DDX46: variants seen among roughly 807,000 people sequenced by gnomAD.
The protein encoded by DDX46 is DEAD-box helicase 46.
Under a neutral mutation model 134.9 loss-of-function variants are expected in DDX46, and 30 were observed. The ratio of observed to expected loss-of-function variants is 0.22; its 90% CI spans 0.17 to 0.30. The LOEUF is 0.30. Ranked by LOEUF, DDX46 falls within the 10% of genes least tolerant of loss-of-function variation. The pLI is 1.00. For synonymous variants in DDX46, 415 were observed against 404.1 expected (o/e 1.03, Z -0.32); for missense variants, 622 against 1,248.7 (o/e 0.50, Z 7.56).
At chr5:134,785,665 T>A (rs1353453569) in intron 11 of DDX46, 79 bp downstream of exon 11, 1 of 1,488,308 alleles carries the variant, frequency 6.7e-7, no homozygotes, top group Non-Finnish European at 9.0e-7. Context: ...TGACTTTTAC[T>A]TTTAGTTTTT....
intron 21 of DDX46, among the ~76,000 whole-genome samples, chr5:134,821,474 A>G (rs1044043474): frequency 3.4e-5 from 5 of 146,672 alleles, no homozygotes; most frequent in Admixed American, 3.4e-4. Context: ...ACTGTGCCCC[A>G]CCGTGTTAAA....
chr5:134,807,703 A>C, intron 15 of DDX46, 45 bp from the exon 16 acceptor site: 1 of 1,538,694 alleles, frequency 6.5e-7, no homozygotes, highest in Non-Finnish European at 8.8e-7. Context: ...AAGACATGGA[A>C]AATTTAATTT....
chr5:134,775,677 A>G (rs1243522561), intron 5 of DDX46, among the ~76,000 whole-genome samples: 1 of 152,072 alleles, frequency 6.6e-6, no homozygotes. Context: ...TATTTTTAGT[A>G]GAGATGGGGT....
chr5:134,809,140 A>C (rs1274253166), intron 16 of DDX46, among the ~76,000 whole-genome samples: 2 of 152,196 alleles, frequency 1.3e-5, no homozygotes, highest in Non-Finnish European at 2.9e-5. Flanking sequence ...TTATTCTTCT[A>C]ACCTGTTGGA....
chr5:134,808,037 T>C, intron 16 of DDX46, 96 bp downstream of exon 16: 1 of 1,170,464 alleles, frequency 8.5e-7, no homozygotes, highest in Non-Finnish European at 1.2e-6. Flanking sequence ...TATGGAGACA[T>C]TTTGAAAATC....
Position 134,816,521 on chromosome 5 carries a change from C to T in DDX46, c.2528C>T (p.Ala843Val). 1 of 1,613,988 alleles carries T rather than the reference C, an allele frequency of 6.2e-7. No individual in the cohort carries two copies. The highest frequency in any genetic ancestry group is 8.5e-7 in the Non-Finnish European group (1 of 1,179,992). Residue 843 changes from alanine to valine, a missense_variant, in exon 19 of 23, where the codon GCA (alanine) becomes GTA (valine). Ala to Val is a moderately conservative substitution (Grantham distance 64, BLOSUM62 0). This residue lies in a region of DDX46 where 18 missense variants were observed against 17.0 expected (regional missense o/e 1.06). Transcript: ENST00000452510. ...ACATCAAGTGTTCCTGCTCCAACTG[C>T]AGGAAATGCTGAGAAATTAGAAATT... ...PGTSSVPAPT[A>V]GNAEKLEIAK... is the part of the protein sequence containing the mutation.
At chr5:134,777,908 T>C in intron 6 of DDX46, 183 bp downstream of exon 6, 1 of 596,440 alleles carries the variant, frequency 1.7e-6, no homozygotes, top group Non-Finnish European at 2.7e-6. Flanking sequence ...ATAAGTGTTC[T>C]TTCAAAAGTC....
chr5:134,795,955 C>G (rs1403336059), intron 14 of DDX46, 33 bp from the exon 15 acceptor site: 4 of 1,592,978 alleles, frequency 2.5e-6, no homozygotes, highest in Non-Finnish European at 3.4e-6. Context: ...TGCATTTTCA[C>G]TTCATTAACT....
At chr5:134,796,277 T>A in intron 15 of DDX46, 127 bp downstream of exon 15, 2 of 975,860 alleles carry the variant, frequency 2.0e-6, no homozygotes, top group Non-Finnish European at 3.0e-6. Flanking sequence ...GTTTTTACTC[T>A]AAAGTGCTTT....
At chr5:134,815,774 G>A (rs1325397571) in intron 18 of DDX46, among the ~76,000 whole-genome samples, 1 of 143,958 alleles carries the variant, frequency 6.9e-6, no homozygotes, top group Non-Finnish European at 1.5e-5. Context: ...TCCTGTCAAA[G>A]CAAAGCATTC....
At chr5:134,817,941 CTTGT>C (rs1400417538) in intron 20 of DDX46, among the ~76,000 whole-genome samples, 7 of 148,194 alleles carry the variant, frequency 4.7e-5, no homozygotes, top group Admixed American at 3.4e-4. Flanking sequence ...GTTTTCTTTG[CTTGT>C]TTGTTGTTTT....
At chr5:134,760,283 A>G (rs962996573) in intron 1 of DDX46, among the ~76,000 whole-genome samples, 1 of 152,168 alleles carries the variant, frequency 6.6e-6, no homozygotes, top group Non-Finnish European at 1.5e-5. Flanking sequence ...TCTGGTGTGC[A>G]TGGCCTGTGC....
chr5:134,810,863 G>A (rs916356291), intron 16 of DDX46, among the ~76,000 whole-genome samples: 14 of 151,724 alleles, frequency 9.2e-5, no homozygotes, highest in East Asian at 2.0e-4. Context: ...AAAATTAGCC[G>A]GGCATAGTGG....
chr5:134,781,915 C>T lies in DDX46; in HGVS notation c.880-6C>T, dbSNP rs1351024751. ...TAGCGCTTTAATTTTTTCTTTTAAA[C>T]TATAGTATTCTTCAGAGGAGGAAGA... On this transcript the variant is annotated splice_region_variant and splice_polypyrimidine_tract_variant and intron_variant, in intron 7 of 22. Coordinates refer to ENST00000452510, the MANE Select transcript of DDX46 (RefSeq NM_001300860.2). The T allele has an allele frequency of 6.3e-7, 1 of 1,598,300 alleles. No individual in the cohort carries two copies. Among genetic ancestry groups the T allele is most frequent in the East Asian group, 2.2e-5 (1 of 44,704 alleles).
chr5:134,830,267 TTAAG>T lies in DDX46; in HGVS notation c.*1565_*1568del, dbSNP rs1471617871. 1 of 152,160 alleles carries T rather than the reference TTAAG, an allele frequency of 6.6e-6. No individual in the cohort carries two copies. The highest frequency in any genetic ancestry group is 1.5e-5 in the Non-Finnish European group (1 of 68,016). The allele number at this position is 152,160 out of a possible 1,614,324, so 9.4% of individuals were successfully genotyped here. A position where few individuals can be genotyped will look rare whatever the true frequency, so the allele number is the denominator to read the frequency against. ...TAACATTTACATTGTGTTAGGTATT[TTAAG>T]TAATTTAAAGGTTACAGTATACAGG... On this transcript the variant is annotated 3_prime_UTR_variant, in exon 23 of 23. Transcript: ENST00000452510.
At chr5:134,789,744 G>A (rs1427770540) in intron 12 of DDX46, among the ~76,000 whole-genome samples, 1 of 152,020 alleles carries the variant, frequency 6.6e-6, no homozygotes, top group African/African-American at 2.4e-5. Context: ...TGATAGCAAT[G>A]CTTCTGTTAA....
intron 22 of DDX46, among the ~76,000 whole-genome samples, chr5:134,828,090 C>T (rs774337168): frequency 6.6e-6 from 1 of 152,186 alleles, no homozygotes; most frequent in Non-Finnish European, 1.5e-5. Context: ...GACTGCCTTT[C>T]CCGAGGAGGT....
intron 2 of DDX46, among the ~76,000 whole-genome samples, 198 bp downstream of exon 2, chr5:134,764,290 T>A (rs74429801): frequency 1.3e-5 from 2 of 151,034 alleles, no homozygotes. Flanking sequence ...TTTTTTTTTT[T>A]AATCTTTTTT....
chr5:134,828,598 TTTTTTTTTG>T, intron 22 of DDX46, 52 bp from the exon 23 acceptor site: 2 of 1,241,386 alleles, frequency 1.6e-6, no homozygotes, highest in South Asian at 3.7e-5. Flanking sequence ...TGGTTCGTTT[TTTTTTTTTG>T]TTTTTTTTGT....
Sources: gnomAD v4.1 joint callset for allele counts (sites outside exome capture counted in the v4.1 genomes callset) on GRCh38, gnomAD v4.1.1 for gene constraint, gnomAD v4.1.1 regional missense constraint, MANE v1.5 for transcripts, NCBI Gene and HGNC (gene_info 2026-07-23, HGNC 2026-07-21) for gene names.